The following ZNF438 variants were observed in gnomAD, a reference collection of about 807,000 sequenced individuals.
ZNF438 encodes the protein zinc finger protein 438.
A neutral mutation model predicts 38.0 loss-of-function variants in ZNF438; 25 were observed. The ratio of observed to expected loss-of-function variants is 0.66; its 90% CI spans 0.48 to 0.92. The LOEUF (loss-of-function observed/expected upper bound fraction) is 0.92, where lower values mean the gene tolerates loss of function less well. ZNF438 is among the 40% of genes least tolerant of loss of function. The pLI is 0.00. For synonymous variants in ZNF438, 372 were observed against 364.1 expected, an observed-to-expected ratio of 1.02 and a Z score of -0.25; for missense variants, 1,007 against 999.6, an observed-to-expected ratio of 1.01 and a Z score of -0.10.
chr10:30,967,486 G>A (rs908224766), intron 1 of ZNF438, among the ~76,000 whole-genome samples: 7 of 152,202 alleles, frequency 4.6e-5, no homozygotes, highest in African/African-American at 1.7e-4. Context: ...TTTTTAAAGT[G>A]TGTTTTAAGA....
intron 3 of ZNF438, among the ~76,000 whole-genome samples, chr10:30,905,388 A>G (rs7078347): frequency 0.43 from 65,120 of 152,114 alleles, 14,427 homozygotes; most frequent in Non-Finnish European, 0.47. Context: ...TCATGTGCTC[A>G]TTGGCAATTT....
chr10:30,991,304 G>A (rs537612151), intron 1 of ZNF438, among the ~76,000 whole-genome samples: 2 of 152,306 alleles, frequency 1.3e-5, no homozygotes, highest in East Asian at 3.9e-4. Context: ...TTTCTATTCT[G>A]TAGAGGCACA....
intron 2 of ZNF438, among the ~76,000 whole-genome samples, chr10:30,938,558 G>A (rs2046493874): frequency 6.6e-6 from 1 of 151,912 alleles, no homozygotes; most frequent in Non-Finnish European, 1.5e-5. Flanking sequence ...TTACAGGCGT[G>A]AGCCACCATG....
chr10:31,004,555 T>C (rs564013351), intron 1 of ZNF438, among the ~76,000 whole-genome samples: 69 of 152,246 alleles, frequency 4.5e-4, no homozygotes, highest in African/African-American at 1.6e-3. Flanking sequence ...ATGAAGGCAG[T>C]ATGCTGTGAG....
chr10:30,998,910 T>C (rs973058787), intron 1 of ZNF438, among the ~76,000 whole-genome samples: 1 of 152,214 alleles, frequency 6.6e-6, no homozygotes, highest in African/African-American at 2.4e-5. Flanking sequence ...TTCCATACAC[T>C]TTCTGAATCT....
At chr10:30,927,253 T>C (rs2045058218) in intron 2 of ZNF438, among the ~76,000 whole-genome samples, 1 of 151,860 alleles carries the variant, frequency 6.6e-6, no homozygotes, top group African/African-American at 2.4e-5. Context: ...CCACAAGTGA[T>C]ACCTATAAGC....
intron 3 of ZNF438, among the ~76,000 whole-genome samples, chr10:30,882,485 T>C (rs1470981048): frequency 6.6e-6 from 1 of 152,122 alleles, no homozygotes; most frequent in East Asian, 1.9e-4. Flanking sequence ...ATGGAATATA[T>C]AAACATACAA....
exon 6 of ZNF438, chr10:30,845,191 G>A (rs1564459797): frequency 1.2e-6 from 2 of 1,614,136 alleles, no homozygotes; most frequent in African/African-American, 2.7e-5. Context: ...GTTTCCCTTG[G>A]CTTGTTGGTT....
At chr10:30,850,747 G>A (rs2033463884) in intron 4 of ZNF438, among the ~76,000 whole-genome samples, 1 of 152,072 alleles carries the variant, frequency 6.6e-6, no homozygotes, top group Non-Finnish European at 1.5e-5. Context: ...ATGATGTCTG[G>A]TATGTTCTGC....
At chr10:30,900,318 A>G (rs1041430520) in intron 3 of ZNF438, among the ~76,000 whole-genome samples, 7 of 152,154 alleles carry the variant, frequency 4.6e-5, no homozygotes, top group African/African-American at 1.4e-4. Context: ...CCCTACTCTA[A>G]ACCAGTGACT....
intron 1 of ZNF438, among the ~76,000 whole-genome samples, chr10:30,977,930 C>T (rs1053337402): frequency 7.3e-5 from 11 of 150,926 alleles, no homozygotes; most frequent in African/African-American, 2.2e-4. Flanking sequence ...TGCAGTGCAC[C>T]GAGATCGTGC....
chr10:30,870,328 A>T (rs2037187853), intron 4 of ZNF438, among the ~76,000 whole-genome samples: 1 of 152,250 alleles, frequency 6.6e-6, no homozygotes, highest in Non-Finnish European at 1.5e-5. Flanking sequence ...CTTGACACGC[A>T]AATTCCCAGG....
At chr10:30,944,502 T>C (rs1481161326) in intron 1 of ZNF438, among the ~76,000 whole-genome samples, 5 of 152,098 alleles carry the variant, frequency 3.3e-5, no homozygotes, top group Non-Finnish European at 7.4e-5. Flanking sequence ...GAAAACTATA[T>C]GGGGGTTGGG....
rs180895937 is a variant in ZNF438, at chr10:30,929,292, A to G, written c.-115+12283T>C. ...CAGTTCTTACAGGTCGTGTGTTCGG[A>G]GTTTGTTCCTTCTGATGTTCAGATG... On this transcript the variant is annotated intron_variant, in intron 2 of 5. Transcript: ENST00000413025. Among the ~76,000 whole-genome samples, 293 of 152,054 alleles carry G rather than the reference A, an allele frequency of 1.9e-3. 7 individuals are homozygous for G. The highest frequency in any genetic ancestry group is 0.013 in the Admixed American group (194 of 15,282).
exon 5 of ZNF438, chr10:30,848,893 C>T: frequency 6.2e-7 from 1 of 1,614,188 alleles, no homozygotes; most frequent in Non-Finnish European, 8.5e-7. Context: ...TGTGCCAAGG[C>T]TTCTTAATGC....
At chr10:30,955,281 G>C (rs1412224327) in intron 1 of ZNF438, among the ~76,000 whole-genome samples, 1 of 152,240 alleles carries the variant, frequency 6.6e-6, no homozygotes, top group Non-Finnish European at 1.5e-5. Context: ...TTTGTGACCA[G>C]ATAGTGGACT....
intron 1 of ZNF438, among the ~76,000 whole-genome samples, chr10:30,950,780 C>T (rs2048083024): frequency 8.4e-6 from 1 of 118,668 alleles, no homozygotes; most frequent in African/African-American, 3.5e-5. Flanking sequence ...AAAAAGAGTC[C>T]AGGACCAGAT....
intron 3 of ZNF438, among the ~76,000 whole-genome samples, chr10:30,880,090 A>T (rs2039009313): frequency 6.6e-6 from 1 of 152,198 alleles, no homozygotes; most frequent in Admixed American, 6.5e-5. Context: ...ATTGCATATA[A>T]AGGAACAATG....
rs1052950767 is a variant in ZNF438, at chr10:31,001,430, G to C, written c.-192+30403C>G. Among the ~76,000 whole-genome samples the C allele has an allele frequency of 3.3e-5, 5 of 152,134 alleles. No individual in the cohort carries two copies. The East Asian group carries it at 9.6e-4, about 29-fold the overall frequency. ...CCTTAAAAGCCCACATTCTGGGGAG[G>C]CCCACCCTATTTCCTGAGAGTTCAA... On this transcript the variant is annotated intron_variant, in intron 1 of 5. Coordinates refer to ENST00000413025, the Ensembl canonical transcript of ZNF438.
Sources: gnomAD v4.1 joint callset for allele counts (sites outside exome capture counted in the v4.1 genomes callset) on GRCh38, gnomAD v4.1.1 for gene constraint, MANE v1.5 for transcripts, NCBI Gene and HGNC (gene_info 2026-07-23, HGNC 2026-07-21) for gene names.